The following DAB1 variants were observed in gnomAD, a reference collection of about 807,000 sequenced individuals.
The protein encoded by DAB1 is disabled homolog 1.
DAB1 carries 15 observed loss-of-function variants against 64.6 expected under a neutral mutation model. The observed-to-expected ratio is 0.23, with a 90% CI of 0.16 to 0.36. DAB1 has a LOEUF of 0.36. Ranked by LOEUF, DAB1 falls within the 10% of genes least tolerant of loss-of-function variation. DAB1 has a pLI of 1.00. For missense variants in DAB1, 596 were observed against 706.7 expected (o/e 0.84, Z 1.78); for synonymous variants, 235 against 251.9 (o/e 0.93, Z 0.64).
At chr1:58,209,456 A>G (rs1348359636) in intron 4 of DAB1, among the ~76,000 whole-genome samples, 1 of 152,236 alleles carries the variant, frequency 6.6e-6, no homozygotes, top group Non-Finnish European at 1.5e-5. Flanking sequence ...AACAACAATG[A>G]AAACTACCTT....
intron 1 of DAB1, among the ~76,000 whole-genome samples, chr1:57,413,214 C>T (rs1441102528): frequency 3.3e-5 from 5 of 152,166 alleles, no homozygotes; most frequent in Non-Finnish European, 5.9e-5. Context: ...AATATTACTG[C>T]TCCTTGACAA....
At chr1:57,496,611 A>C (rs1363381676) in intron 7 of DAB1, among the ~76,000 whole-genome samples, 1 of 152,220 alleles carries the variant, frequency 6.6e-6, no homozygotes, top group Non-Finnish European at 1.5e-5. Context: ...AAAGGAAAAG[A>C]AGCTTGCACA....
chr1:57,643,813 T>C (rs1646159545), intron 7 of DAB1, among the ~76,000 whole-genome samples: 1 of 152,168 alleles, frequency 6.6e-6, no homozygotes, highest in South Asian at 2.1e-4. Flanking sequence ...AATCCGAGAC[T>C]GGGTAGTCGG....
At chr1:57,936,429 T>C (rs1319842144) in intron 5 of DAB1, among the ~76,000 whole-genome samples, 1 of 152,232 alleles carries the variant, frequency 6.6e-6, no homozygotes, top group African/African-American at 2.4e-5. Flanking sequence ...TCTTGCTCCA[T>C]CATCCAGGCT....
chr1:57,996,306 T>C (rs1202080454), intron 5 of DAB1, among the ~76,000 whole-genome samples: 1 of 152,124 alleles, frequency 6.6e-6, no homozygotes, highest in Non-Finnish European at 1.5e-5. Context: ...AGAATTGTGA[T>C]GAGAATTAAA....
chr1:58,070,258 T>C (rs1057112013), intron 5 of DAB1, among the ~76,000 whole-genome samples: 2 of 152,198 alleles, frequency 1.3e-5, no homozygotes, highest in Non-Finnish European at 2.9e-5. Context: ...CCAAAGTCTA[T>C]GATCAATCCC....
intron 4 of DAB1, among the ~76,000 whole-genome samples, chr1:58,319,505 C>T (rs955997219): frequency 5.9e-5 from 9 of 152,154 alleles, no homozygotes; most frequent in African/African-American, 1.7e-4. Flanking sequence ...CAGGACTCTT[C>T]CTTCTCTCTT....
chr1:58,065,884 A>G (rs1222019364), intron 5 of DAB1, among the ~76,000 whole-genome samples: 1 of 152,160 alleles, frequency 6.6e-6, no homozygotes, highest in Non-Finnish European at 1.5e-5. Flanking sequence ...TCAACAAGTT[A>G]TTGGATGAAG....
At chr1:58,243,439 G>A (rs1286734901) in intron 4 of DAB1, among the ~76,000 whole-genome samples, 1 of 152,090 alleles carries the variant, frequency 6.6e-6, no homozygotes, top group African/African-American at 2.4e-5. Context: ...TGGGAATCAT[G>A]TGTGCTTTGC....
intron 6 of DAB1, among the ~76,000 whole-genome samples, chr1:57,787,562 T>C (rs766293570): frequency 7.2e-5 from 11 of 152,110 alleles, no homozygotes; most frequent in Middle Eastern, 3.4e-3. Flanking sequence ...ATAAAACTTC[T>C]AGAAAGAAAC....
At chr1:57,573,280 C>T (rs746940406) in intron 7 of DAB1, among the ~76,000 whole-genome samples, 108 of 152,138 alleles carry the variant, frequency 7.1e-4, no homozygotes, top group Non-Finnish European at 8.7e-4. Flanking sequence ...TACATGGAGA[C>T]GTGGTCTCAC....
rs770655770 is a variant in DAB1 at position 58,481,182 on chromosome 1, G to T, written n.257+24878C>A. On this transcript the variant is annotated intron_variant and non_coding_transcript_variant, in intron 3 of 20. Transcript: ENST00000485760. The stretch of plus-strand genomic sequence containing the variant: ...CTCTCTAATTTTGAGAGCCTATAAA[G>T]AAATAATAAAATAAAAAAATACTAT... 8.2e-5 allele frequency: 65 copies of T among 794,568 alleles called. No homozygotes were observed. In the African/African-American group the frequency reaches 9.3e-4, roughly 11 times the overall value. The allele number at this position is 794,568 out of a possible 1,614,324, so 49.2% of individuals were successfully genotyped here.
At chr1:58,328,558 C>T (rs886091515) in intron 4 of DAB1, among the ~76,000 whole-genome samples, 8 of 152,216 alleles carry the variant, frequency 5.3e-5, no homozygotes, top group Admixed American at 1.3e-4. Context: ...CCAGGCTGCT[C>T]AGGATCCCTC....
At chr1:58,368,483 T>C (rs1404538473) in intron 3 of DAB1, among the ~76,000 whole-genome samples, 1 of 152,194 alleles carries the variant, frequency 6.6e-6, no homozygotes, top group Non-Finnish European at 1.5e-5. Context: ...TGATTATCAG[T>C]ATGGCCTTAG....
At chr1:57,026,130 C>A (rs1646779349) in intron 9 of DAB1, 87 bp from the exon 10 acceptor site, 2 of 967,216 alleles carry the variant, frequency 2.1e-6, no homozygotes, top group Non-Finnish European at 3.2e-6. Context: ...TATGGGGATA[C>A]ACATTTCTGT....
At chr1:57,196,883 G>T (rs1011858155) in intron 2 of DAB1, among the ~76,000 whole-genome samples, 3 of 152,182 alleles carry the variant, frequency 2.0e-5, no homozygotes, top group Non-Finnish European at 4.4e-5. Flanking sequence ...GATAATAACT[G>T]AGATTAGTAA....
At chr1:57,044,194 TG>T (rs1648167392) in intron 9 of DAB1, among the ~76,000 whole-genome samples, 1 of 152,244 alleles carries the variant, frequency 6.6e-6, no homozygotes, top group Non-Finnish European at 1.5e-5. Context: ...TGTTTGGTTT[TG>T]TTTCAAGCAC....
At chr1:57,941,841 AAAAAG>A (rs1462124221) in intron 5 of DAB1, among the ~76,000 whole-genome samples, 1 of 152,332 alleles carries the variant, frequency 6.6e-6, no homozygotes, top group South Asian at 2.1e-4. Context: ...TCTCTTAAAA[AAAAAG>A]AAAAGAAATC....
chr1:57,851,100 C>T (rs537142104), intron 1 of DAB1, among the ~76,000 whole-genome samples: 299 of 152,228 alleles, frequency 2.0e-3, no homozygotes, highest in Non-Finnish European at 2.4e-3. Flanking sequence ...TAGAATTGTT[C>T]GTCAACAGCC....
Sources: allele counts gnomAD v4.1 joint callset (sites outside exome capture counted in the v4.1 genomes callset), GRCh38; gene constraint gnomAD v4.1.1; transcripts MANE v1.5; gene names NCBI Gene and HGNC (gene_info 2026-07-23, HGNC 2026-07-21).